The following FHIT variants were observed in gnomAD, a reference collection of about 807,000 sequenced individuals.
FHIT encodes the protein fragile histidine triad diadenosine triphosphatase.
FHIT carries 19 observed loss-of-function variants against 17.9 expected under a neutral mutation model. The ratio of observed to expected loss-of-function variants is 1.06; its 90% CI spans 0.74 to 1.56. The LOEUF (loss-of-function observed/expected upper bound fraction) is 1.56, where lower values mean the gene tolerates loss of function less well. Ranked by LOEUF, FHIT falls within the 40% of genes most tolerant of loss-of-function variation. FHIT has a pLI of 0.00. For synonymous variants in FHIT, 81 were observed against 69.7 expected (o/e 1.16, Z -0.81); for missense variants, 248 against 189.2 (o/e 1.31, Z -1.82).
chr3:59,877,480 G>A (rs1703215152), intron 8 of FHIT, among the ~76,000 whole-genome samples: 1 of 152,170 alleles, frequency 6.6e-6, no homozygotes, highest in African/African-American at 2.4e-5. Context: ...AAGGCCCAGA[G>A]CAGTGATCCA....
At chr3:60,724,914 G>A (rs2041887007) in intron 4 of FHIT, among the ~76,000 whole-genome samples, 2 of 152,106 alleles carry the variant, frequency 1.3e-5, no homozygotes, top group Admixed American at 6.5e-5. Context: ...CTCCCAAAGT[G>A]CTGGGATTAC....
chr3:60,704,480 C>T (rs1553702958), intron 4 of FHIT, among the ~76,000 whole-genome samples: 2 of 152,102 alleles, frequency 1.3e-5, no homozygotes, highest in Non-Finnish European at 2.9e-5. Flanking sequence ...TTATTCATAG[C>T]AGATGGAGGA....
At chr3:59,827,787 G>A (rs552236686) in intron 8 of FHIT, among the ~76,000 whole-genome samples, 3 of 152,298 alleles carry the variant, frequency 2.0e-5, no homozygotes, top group East Asian at 3.9e-4. Flanking sequence ...CTTTGGTTGT[G>A]TAGGCACAAA....
At chr3:60,323,523 A>G (rs544410232) in intron 5 of FHIT, among the ~76,000 whole-genome samples, 3 of 152,260 alleles carry the variant, frequency 2.0e-5, no homozygotes, top group South Asian at 4.2e-4. Context: ...ATCGCCCTGC[A>G]GGCTGGAAAC....
At chr3:60,842,724 G>C (rs1446602891) in intron 3 of FHIT, among the ~76,000 whole-genome samples, 1 of 148,150 alleles carries the variant, frequency 6.7e-6, no homozygotes. Flanking sequence ...AGATTAAGGT[G>C]TGATCATTCA....
intron 4 of FHIT, among the ~76,000 whole-genome samples, chr3:60,609,144 G>T (rs996942322): frequency 6.6e-6 from 1 of 151,858 alleles, no homozygotes; most frequent in Non-Finnish European, 1.5e-5. Context: ...GACTCCTGTT[G>T]CTTCCAAACT....
intron 5 of FHIT, among the ~76,000 whole-genome samples, chr3:60,110,793 G>T (rs1257876823): frequency 6.6e-6 from 1 of 152,150 alleles, no homozygotes; most frequent in African/African-American, 2.4e-5. Context: ...GAAGGGGTTT[G>T]ACATAAAAAC....
chr3:60,956,267 T>C (rs782119757), intron 3 of FHIT, among the ~76,000 whole-genome samples: 1 of 152,156 alleles, frequency 6.6e-6, no homozygotes, highest in African/African-American at 2.4e-5. Flanking sequence ...ACCTGAAGTG[T>C]TCAAGTAAAA....
At chr3:60,843,412 T>A (rs1553745652) in intron 3 of FHIT, among the ~76,000 whole-genome samples, 1 of 152,222 alleles carries the variant, frequency 6.6e-6, no homozygotes, top group Non-Finnish European at 1.5e-5. Flanking sequence ...CTTCCACCAC[T>A]ATAAATAGTT....
intron 4 of FHIT, among the ~76,000 whole-genome samples, chr3:60,732,800 C>T (rs2042060565): frequency 1.3e-5 from 2 of 149,570 alleles, no homozygotes; most frequent in Admixed American, 1.4e-4. Context: ...GATTCTCCTG[C>T]CTCAGTCTCC....
At chr3:60,816,034 C>T (rs781835166) in intron 4 of FHIT, among the ~76,000 whole-genome samples, 1 of 151,822 alleles carries the variant, frequency 6.6e-6, no homozygotes, top group Non-Finnish European at 1.5e-5. Context: ...TGATTTGGCT[C>T]GCAAGTTGAA....
At chr3:61,217,651 T>C (rs775421707) in intron 1 of FHIT, among the ~76,000 whole-genome samples, 1 of 152,042 alleles carries the variant, frequency 6.6e-6, no homozygotes, top group South Asian at 2.1e-4. Context: ...GGAGTGTCTG[T>C]TACACTGTAA....
chr3:61,026,808 C>G (rs2032757900), intron 3 of FHIT, among the ~76,000 whole-genome samples: 1 of 152,094 alleles, frequency 6.6e-6, no homozygotes, highest in Admixed American at 6.6e-5. Flanking sequence ...AATTTTTAAA[C>G]TGATAGTAAA....
intron 5 of FHIT, among the ~76,000 whole-genome samples, chr3:60,445,298 G>T (rs1447248881): frequency 6.6e-6 from 1 of 152,024 alleles, no homozygotes; most frequent in Non-Finnish European, 1.5e-5. Flanking sequence ...CACTCTAGAG[G>T]ACTGGGATTC....
intron 5 of FHIT, among the ~76,000 whole-genome samples, chr3:60,109,672 T>C (rs1484133806): frequency 1.3e-5 from 2 of 152,156 alleles, no homozygotes; most frequent in Admixed American, 6.5e-5. Context: ...TGTACCTAAG[T>C]ATCCTATAGT....
intron 5 of FHIT, among the ~76,000 whole-genome samples, chr3:60,446,938 C>A (rs940697984): frequency 6.6e-6 from 1 of 151,582 alleles, no homozygotes; most frequent in African/African-American, 2.4e-5. Flanking sequence ...AGGCACCCAT[C>A]TTCTCTCTTA....
chr3:60,707,876 T>C (rs757642339), intron 4 of FHIT, among the ~76,000 whole-genome samples: 4 of 152,198 alleles, frequency 2.6e-5, no homozygotes, highest in Non-Finnish European at 5.9e-5. Flanking sequence ...TTCCTGACAT[T>C]AGTTTGGGTA....
chr3:60,849,192 G>A (rs1226781715), intron 3 of FHIT, among the ~76,000 whole-genome samples: 2 of 151,898 alleles, frequency 1.3e-5, no homozygotes, highest in Non-Finnish European at 2.9e-5. Flanking sequence ...CTAAGAGACT[G>A]GGAAGAAAGG....
chr3:60,291,597 C>T (rs934178618), intron 5 of FHIT, among the ~76,000 whole-genome samples: 2 of 152,144 alleles, frequency 1.3e-5, no homozygotes, highest in South Asian at 2.1e-4. Context: ...TTTCAGGCTG[C>T]TCTTTGGTAG....
Sources: allele counts gnomAD v4.1 joint callset (sites outside exome capture counted in the v4.1 genomes callset), GRCh38; gene constraint gnomAD v4.1.1; transcripts MANE v1.5; gene names NCBI Gene and HGNC (gene_info 2026-07-23, HGNC 2026-07-21).